Variants in PARD3B observed in about 807,000 individuals in gnomAD.
PARD3B encodes the protein par-3 family cell polarity regulator beta, also known as partitioning defective 3 homolog B.
Under a neutral mutation model 130.2 loss-of-function variants are expected in PARD3B, and 103 were observed. That is an observed-to-expected ratio of 0.79 (90% CI 0.67 to 0.93). The LOEUF (loss-of-function observed/expected upper bound fraction) is 0.93. PARD3B is among the 40% of genes least tolerant of loss of function. The probability of loss-of-function intolerance (pLI) is 0.00; values close to 1 mark genes in which losing one functional copy is unlikely to be tolerated. For missense variants in PARD3B, 1,609 were observed against 1,499.2 expected (o/e 1.07, Z -1.21); for synonymous variants, 583 against 553.2 (o/e 1.05, Z -0.76).
Position 205,432,550 on chromosome 2 carries a change from C to A in PARD3B, c.2742-7820C>A, listed in dbSNP as rs558369776. Among the ~76,000 whole-genome samples, 4 of 152,286 alleles carry A rather than the reference C, an allele frequency of 2.6e-5. No homozygotes were observed. The South Asian group carries it at 8.3e-4, about 32-fold the overall frequency. ...GGCTTTATATCTGCTGTCTCTCTAC[C>A]TGGAACACTCTTCTCCTGTTATCTG... On this transcript the variant is annotated intron_variant, in intron 19 of 22. Transcript: ENST00000406610.
At chr2:204,743,135 G>A (rs143897859) in intron 2 of PARD3B, among the ~76,000 whole-genome samples, 1 of 152,166 alleles carries the variant, frequency 6.6e-6, no homozygotes, top group African/African-American at 2.4e-5. Flanking sequence ...TCTAGTTTTA[G>A]TGTATGTACC....
At chr2:204,616,198 G>A (rs932630737) in intron 1 of PARD3B, among the ~76,000 whole-genome samples, 2 of 152,130 alleles carry the variant, frequency 1.3e-5, no homozygotes, top group African/African-American at 4.8e-5. Context: ...CCAAAGACTG[G>A]AAGAACATAT....
At chr2:205,479,850 C>G (rs771929621) in intron 20 of PARD3B, among the ~76,000 whole-genome samples, 7 of 151,828 alleles carry the variant, frequency 4.6e-5, no homozygotes, top group African/African-American at 9.7e-5. Context: ...TCAACCTCAT[C>G]ACTTGCCACT....
chr2:205,231,895 G>A (rs182021315), intron 15 of PARD3B, among the ~76,000 whole-genome samples: 136 of 152,290 alleles, frequency 8.9e-4, no homozygotes, highest in African/African-American at 3.2e-3. Flanking sequence ...GAACTACCAA[G>A]GCTAGGCCAA....
At chr2:205,522,000 TA>T (rs1410432648) in intron 21 of PARD3B, among the ~76,000 whole-genome samples, 1 of 152,046 alleles carries the variant, frequency 6.6e-6, no homozygotes, top group Non-Finnish European at 1.5e-5. Flanking sequence ...AAAAGGAGAT[TA>T]TTTTTTTCCT....
chr2:204,990,632 T>G (rs893304450), intron 3 of PARD3B, among the ~76,000 whole-genome samples: 1 of 152,086 alleles, frequency 6.6e-6, no homozygotes, highest in African/African-American at 2.4e-5. Flanking sequence ...TATCTGTCTG[T>G]GTGTGTATGT....
At chr2:205,334,232 G>A (rs1043004650) in intron 18 of PARD3B, among the ~76,000 whole-genome samples, 2 of 152,192 alleles carry the variant, frequency 1.3e-5, no homozygotes, top group African/African-American at 4.8e-5. Flanking sequence ...ATGTGTGCAA[G>A]AGTGTGCTCT....
At chr2:205,213,973 A>G (rs897077965) in intron 15 of PARD3B, among the ~76,000 whole-genome samples, 4 of 152,258 alleles carry the variant, frequency 2.6e-5, no homozygotes, top group African/African-American at 9.6e-5. Flanking sequence ...ATTCACTTGC[A>G]CCACAAGAGA....
In PARD3B at chr2:204,653,259, C is replaced by G. The variant is rs2035541669; in HGVS notation, c.121-32922C>G. Reference sequence around the variant, plus strand: ...ACATAACAAACGTACACCTGTACCCCTGAACCTAAAATAAAAGTTAAAATT... The same window carrying G: ...ACATAACAAACGTACACCTGTACCCGTGAACCTAAAATAAAAGTTAAAATT... On this transcript the variant is annotated intron_variant, in intron 1 of 22. Transcript: ENST00000406610. Among the ~76,000 whole-genome samples, 3 of 143,818 alleles carry G rather than the reference C, an allele frequency of 2.1e-5. 1 individual carries two copies. The highest frequency in any genetic ancestry group is 8.1e-5 in the African/African-American group (3 of 37,172). The allele number at this position is 143,818 out of a possible 152,430, so 94.4% of individuals were successfully genotyped here.
chr2:205,095,446 G>A (rs1702339087), intron 4 of PARD3B, among the ~76,000 whole-genome samples: 1 of 152,118 alleles, frequency 6.6e-6, no homozygotes, highest in Non-Finnish European at 1.5e-5. Context: ...AACTTCTATG[G>A]CTCTGAAGAT....
chr2:204,644,567 A>G (rs181827322), intron 1 of PARD3B, among the ~76,000 whole-genome samples: 61 of 152,258 alleles, frequency 4.0e-4, no homozygotes, highest in African/African-American at 1.4e-3. Context: ...CAAAATTAGA[A>G]TATTTTCCCT....
intron 2 of PARD3B, among the ~76,000 whole-genome samples, chr2:204,838,716 A>C (rs1392169521): frequency 6.6e-6 from 1 of 152,164 alleles, no homozygotes; most frequent in Non-Finnish European, 1.5e-5. Context: ...AATAATTAGA[A>C]TCTTTCTAGC....
At chr2:205,197,406 C>T (rs1018302581) in intron 15 of PARD3B, among the ~76,000 whole-genome samples, 1 of 151,980 alleles carries the variant, frequency 6.6e-6, no homozygotes, top group East Asian at 1.9e-4. Context: ...TATTGATTAA[C>T]TACAGATATG....
Position 204,827,309 on chromosome 2 carries a change from A to G in PARD3B, c.223-137843A>G, listed in dbSNP as rs2043622682. On this transcript the variant is annotated intron_variant, in intron 2 of 22. Transcript: ENST00000406610. ...TATAGTGATAGAAATGCATGAAATT[A>G]CAATACTTGGAGAACTTTTTATAAT... 2.6e-5 allele frequency among the ~76,000 whole-genome samples: 4 copies of G among 152,220 alleles called. No individual in the cohort carries two copies. The South Asian group carries it at 8.3e-4, about 32-fold the overall frequency.
intron 20 of PARD3B, among the ~76,000 whole-genome samples, chr2:205,479,554 T>C (rs2049149567): frequency 6.6e-6 from 1 of 152,216 alleles, no homozygotes; most frequent in South Asian, 2.1e-4. Context: ...GAAGGGTTCA[T>C]GGAATAGCCT....
chr2:204,826,634 G>C (rs1178014080), intron 2 of PARD3B, among the ~76,000 whole-genome samples: 1 of 152,130 alleles, frequency 6.6e-6, no homozygotes, highest in African/African-American at 2.4e-5. Flanking sequence ...TCTGGAAATA[G>C]GTTGAATTTT....
chr2:205,412,115 T>C (rs2046619713), intron 19 of PARD3B, among the ~76,000 whole-genome samples: 1 of 152,226 alleles, frequency 6.6e-6, no homozygotes, highest in Non-Finnish European at 1.5e-5. Flanking sequence ...CCCATTCCAC[T>C]CTTTCCCAGC....
chr2:204,845,791 C>A (rs7605954), intron 2 of PARD3B, among the ~76,000 whole-genome samples: 16,735 of 152,052 alleles, frequency 0.11, 1,342 homozygotes, highest in African/African-American at 0.21. Context: ...TTGAATGGCT[C>A]ACTACTTAAA....
intron 21 of PARD3B, among the ~76,000 whole-genome samples, chr2:205,543,812 G>T (rs1024331363): frequency 1.3e-5 from 2 of 152,138 alleles, no homozygotes; most frequent in Admixed American, 6.5e-5. Flanking sequence ...CTTGCCAACT[G>T]GCTGAAATAG....
Sources: allele counts gnomAD v4.1 joint callset (sites outside exome capture counted in the v4.1 genomes callset), GRCh38; gene constraint gnomAD v4.1.1; transcripts MANE v1.5; gene names NCBI Gene and HGNC (gene_info 2026-07-23, HGNC 2026-07-21).